Variants in EPHA6 observed in about 807,000 individuals in gnomAD.
EPHA6 encodes the protein ephrin type-A receptor 6.
Under a neutral mutation model 112.0 loss-of-function variants are expected in EPHA6, and 50 were observed. The observed-to-expected ratio is 0.45, with a 90% confidence interval of 0.36 to 0.56. EPHA6 has a LOEUF of 0.56. Among genes scored for constraint, EPHA6 ranks in the 20% least tolerant of loss-of-function variants. EPHA6 has a pLI of 0.00. For synonymous variants in EPHA6, 529 were observed against 490.7 expected, an observed-to-expected ratio of 1.08 and a Z score of -1.03; for missense variants, 1,280 against 1,417.4, an observed-to-expected ratio of 0.90 and a Z score of 1.56.
chr3:97,278,190 C>A (rs1335273715), intron 5 of EPHA6, among the ~76,000 whole-genome samples: 1 of 152,114 alleles, frequency 6.6e-6, no homozygotes, highest in Non-Finnish European at 1.5e-5. Flanking sequence ...TTCTTTAAAG[C>A]AAATATGGTG....
At chr3:97,142,799 C>T (rs960693906) in intron 3 of EPHA6, among the ~76,000 whole-genome samples, 1 of 151,658 alleles carries the variant, frequency 6.6e-6, no homozygotes, top group African/African-American at 2.4e-5. Context: ...CAATAAAAAC[C>T]CTCAACAAAG....
chr3:97,422,766 A>G (rs2088777584), intron 6 of EPHA6, among the ~76,000 whole-genome samples: 1 of 152,202 alleles, frequency 6.6e-6, no homozygotes, highest in Non-Finnish European at 1.5e-5. Context: ...TTCCACAACA[A>G]AACATTAGCA....
Position 97,243,992 on chromosome 3 carries a change from T to C in EPHA6, c.1311T>C (p.Asn437=), listed in dbSNP as rs1200453265. The change falls in exon 5 of 18, where the codon AAT becomes AAC. Residue 437 remains asparagine, a synonymous_variant. Coordinates refer to ENST00000389672, the MANE Select transcript of EPHA6 (RefSeq NM_001080448.3). ...SAPRNVVFNI[N]ETALILEWSP... ...CTAGGAATGTGGTTTTTAACATCAATGAAACAGCCCTTATTTTGGAATGGA... is the reference window on the plus strand; with the variant it reads ...CTAGGAATGTGGTTTTTAACATCAACGAAACAGCCCTTATTTTGGAATGGA... 1.2e-6 allele frequency: 2 copies of C among 1,611,910 alleles called. No homozygotes were observed. Among genetic ancestry groups the C allele is most frequent in the East Asian group, 2.2e-5 (1 of 44,814 alleles).
intron 11 of EPHA6, among the ~76,000 whole-genome samples, chr3:97,535,519 T>C (rs1283830844): frequency 6.6e-6 from 1 of 152,108 alleles, no homozygotes; most frequent in East Asian, 1.9e-4. Context: ...CAGGTTTATA[T>C]TGTTATCATC....
At chr3:96,841,025 C>A (rs552500622) in intron 1 of EPHA6, among the ~76,000 whole-genome samples, 1 of 152,130 alleles carries the variant, frequency 6.6e-6, no homozygotes, top group East Asian at 1.9e-4. Flanking sequence ...GTGATAGTCT[C>A]AGGAGGTCCC....
chr3:97,094,561 C>A (rs1399007437), intron 3 of EPHA6, among the ~76,000 whole-genome samples: 2 of 152,088 alleles, frequency 1.3e-5, no homozygotes, highest in Non-Finnish European at 2.9e-5. Context: ...TGCTAGGCAG[C>A]TATTTATCTT....
At chr3:97,525,348 C>T (rs764647745) in intron 10 of EPHA6, among the ~76,000 whole-genome samples, 29 of 152,022 alleles carry the variant, frequency 1.9e-4, no homozygotes, top group South Asian at 4.1e-4. Flanking sequence ...TTCTTTTCCA[C>T]GGTTTCTATA....
intron 14 of EPHA6, chr3:97,648,581 C>T: frequency 8.4e-7 from 1 of 1,190,750 alleles, no homozygotes; most frequent in Non-Finnish European, 1.0e-6. Context: ...CAAGTGAGAT[C>T]TGCCTTTAAG....
chr3:97,480,176 A>G (rs909648410), intron 9 of EPHA6, among the ~76,000 whole-genome samples: 1 of 151,204 alleles, frequency 6.6e-6, no homozygotes, highest in African/African-American at 2.4e-5. Context: ...TTTATTTTTT[A>G]TTATTATTTT....
At chr3:97,491,870 C>T (rs1277713679) in intron 10 of EPHA6, among the ~76,000 whole-genome samples, 2 of 151,882 alleles carry the variant, frequency 1.3e-5, no homozygotes, top group African/African-American at 4.8e-5. Context: ...AGTTGTAAGG[C>T]CACTTGAGGT....
At chr3:97,364,664 A>T (rs1329808465) in intron 5 of EPHA6, among the ~76,000 whole-genome samples, 2 of 152,126 alleles carry the variant, frequency 1.3e-5, no homozygotes, top group Non-Finnish European at 2.9e-5. Context: ...AACTGTAATT[A>T]TTCGCCCTCA....
At chr3:97,624,871 T>G (rs1334731507) in intron 13 of EPHA6, among the ~76,000 whole-genome samples, 1 of 151,618 alleles carries the variant, frequency 6.6e-6, no homozygotes, top group Non-Finnish European at 1.5e-5. Context: ...TAATCCTTTT[T>G]ATTTCTGTAG....
chr3:97,032,850 A>G (rs146287204), intron 3 of EPHA6, among the ~76,000 whole-genome samples: 19 of 152,076 alleles, frequency 1.2e-4, no homozygotes, highest in African/African-American at 4.3e-4. Context: ...CTGAATCGCA[A>G]TATAAGATGG....
chr3:97,263,815 C>T (rs1396513054), intron 5 of EPHA6, among the ~76,000 whole-genome samples: 2 of 152,058 alleles, frequency 1.3e-5, no homozygotes, highest in Admixed American at 6.6e-5. Context: ...AAACATGAAA[C>T]CAAAGGTCTC....
chr3:97,245,107 A>G (rs1273340481), intron 5 of EPHA6, among the ~76,000 whole-genome samples: 1 of 152,090 alleles, frequency 6.6e-6, no homozygotes, highest in Non-Finnish European at 1.5e-5. Flanking sequence ...ATTTATAAAG[A>G]TAAAACTATT....
intron 2 of EPHA6, among the ~76,000 whole-genome samples, chr3:96,952,703 A>G (rs2041597160): frequency 6.6e-6 from 1 of 152,162 alleles, no homozygotes; most frequent in Admixed American, 6.5e-5. Flanking sequence ...TAGTTTGCAA[A>G]AGTTTTCTCC....
chr3:97,090,713 T>G (rs1576469282), intron 3 of EPHA6, among the ~76,000 whole-genome samples: 1 of 152,070 alleles, frequency 6.6e-6, no homozygotes, highest in South Asian at 2.1e-4. Context: ...ATGGAGTCAT[T>G]ACCTCAATTT....
At chr3:97,178,374 G>A (rs2108444745) in intron 3 of EPHA6, among the ~76,000 whole-genome samples, 1 of 152,132 alleles carries the variant, frequency 6.6e-6, no homozygotes, top group South Asian at 2.1e-4. Context: ...ATAGATAAGA[G>A]TAGTTTACAC....
chr3:97,027,447 A>G (rs1336412197), intron 3 of EPHA6, among the ~76,000 whole-genome samples: 1 of 152,194 alleles, frequency 6.6e-6, no homozygotes, highest in Admixed American at 6.5e-5. Flanking sequence ...AAAATGTTAA[A>G]AAAAGAGTAG....
Sources: gnomAD v4.1 joint callset for allele counts (sites outside exome capture counted in the v4.1 genomes callset) on GRCh38, gnomAD v4.1.1 for gene constraint, MANE v1.5 for transcripts, NCBI Gene and HGNC (gene_info 2026-07-23, HGNC 2026-07-21) for gene names.